The following KCNH5 variants were observed in gnomAD, a reference collection of about 807,000 sequenced individuals.
KCNH5 encodes voltage-gated delayed rectifier potassium channel KCNH5.
Under a neutral mutation model 96.1 loss-of-function variants are expected in KCNH5, and 46 were observed. The ratio of observed to expected loss-of-function variants is 0.48; its 90% CI spans 0.38 to 0.61. The LOEUF (loss-of-function observed/expected upper bound fraction) is 0.61, where lower values mean the gene tolerates loss of function less well. Among genes scored for constraint, KCNH5 ranks in the 20% least tolerant of loss-of-function variants. The pLI is 0.00. For synonymous variants in KCNH5, 439 were observed against 449.8 expected (o/e 0.98, Z 0.30); for missense variants, 907 against 1,225.8 (o/e 0.74, Z 3.88).
intron 8 of KCNH5, among the ~76,000 whole-genome samples, chr14:62,834,392 T>C (rs760567140): frequency 7.9e-5 from 12 of 152,002 alleles, no homozygotes; most frequent in Admixed American, 2.0e-4. Flanking sequence ...CAAACACTAA[T>C]CTAGGCAATA....
chr14:62,911,795 A>T (rs1889160738), intron 7 of KCNH5, among the ~76,000 whole-genome samples: 1 of 151,386 alleles, frequency 6.6e-6, no homozygotes, highest in Admixed American at 6.6e-5. Context: ...CCAGCACTTT[A>T]GGAGGGAGGC....
chr14:62,829,155 C>G (rs879557037), intron 8 of KCNH5, among the ~76,000 whole-genome samples: 1 of 152,130 alleles, frequency 6.6e-6, no homozygotes, highest in Non-Finnish European at 1.5e-5. Context: ...GTGCACCTGA[C>G]GTTTTGCAGG....
At chr14:62,806,732 G>A (rs1886774836) in intron 8 of KCNH5, among the ~76,000 whole-genome samples, 1 of 152,098 alleles carries the variant, frequency 6.6e-6, no homozygotes, top group Non-Finnish European at 1.5e-5. Flanking sequence ...CATTGGGTTC[G>A]AGGCCCAACT....
At chr14:62,962,607 AC>A (rs1467020337) in intron 6 of KCNH5, among the ~76,000 whole-genome samples, 1 of 152,182 alleles carries the variant, frequency 6.6e-6, no homozygotes, top group African/African-American at 2.4e-5. Flanking sequence ...CAAATGAGAA[AC>A]TAGAAGAACT....
chr14:62,756,259 T>C (rs984656981), intron 10 of KCNH5, among the ~76,000 whole-genome samples: 4 of 152,058 alleles, frequency 2.6e-5, no homozygotes, highest in Non-Finnish European at 4.4e-5. Context: ...ATAAGATCAC[T>C]ATGATGAAGA....
chr14:62,983,704 G>C (rs906319793), intron 5 of KCNH5, among the ~76,000 whole-genome samples: 1 of 152,006 alleles, frequency 6.6e-6, no homozygotes, highest in Non-Finnish European at 1.5e-5. Context: ...GAATCATCTG[G>C]GGAAGTTTTA....
chr14:62,919,699 G>A (rs901337460), intron 7 of KCNH5, among the ~76,000 whole-genome samples: 8 of 152,158 alleles, frequency 5.3e-5, no homozygotes, highest in South Asian at 4.1e-4. Context: ...GAAGTCTGCC[G>A]TTCATTGTAA....
chr14:62,754,411 G>A (rs1885573280), intron 10 of KCNH5, among the ~76,000 whole-genome samples: 1 of 151,772 alleles, frequency 6.6e-6, no homozygotes, highest in Non-Finnish European at 1.5e-5. Flanking sequence ...AACATTAAAT[G>A]TACATGGAAT....
At chr14:62,820,093 G>A (rs898603578) in intron 8 of KCNH5, among the ~76,000 whole-genome samples, 2 of 152,110 alleles carry the variant, frequency 1.3e-5, no homozygotes, top group Non-Finnish European at 2.9e-5. Flanking sequence ...TCACTAGGAA[G>A]ACAAGACAAA....
At chr14:62,940,344 C>G (rs572060607) in intron 7 of KCNH5, among the ~76,000 whole-genome samples, 1 of 152,158 alleles carries the variant, frequency 6.6e-6, no homozygotes, top group South Asian at 2.1e-4. Context: ...AAAAAGTTTG[C>G]CAACTCTAAA....
chr14:62,922,263 C>T (rs1889394200), intron 7 of KCNH5, among the ~76,000 whole-genome samples: 1 of 152,024 alleles, frequency 6.6e-6, no homozygotes, highest in Admixed American at 6.6e-5. Flanking sequence ...GCTACATCTA[C>T]ATCTTTATCT....
intron 10 of KCNH5, among the ~76,000 whole-genome samples, chr14:62,774,175 G>A (rs561807389): frequency 9.9e-5 from 15 of 152,200 alleles, no homozygotes; most frequent in South Asian, 2.1e-4. Context: ...GACAACACAC[G>A]AGAAATGCTG....
rs960083373 is a variant in KCNH5, at chr14:62,746,168, TTAAAC to T, written c.2019+33555_2019+33559del. On this transcript the variant is annotated intron_variant, in intron 10 of 10. Transcript: ENST00000322893. ...ATGGCATTCACTTCTCTTCAACAAA[TTAAAC>T]AATTCTAGCCTCTTTCACCTTTTCC... Among the ~76,000 whole-genome samples the T allele has an allele frequency of 2.0e-4, 31 of 152,210 alleles. 1 individual carries two copies. The highest frequency in any genetic ancestry group is 2.9e-5 in the Non-Finnish European group (2 of 68,026).
chr14:62,938,876 A>G (rs545006356), intron 7 of KCNH5, among the ~76,000 whole-genome samples: 2 of 152,356 alleles, frequency 1.3e-5, no homozygotes, highest in South Asian at 4.1e-4. Context: ...TTATAACACA[A>G]AAGAGAAATT....
intron 4 of KCNH5, among the ~76,000 whole-genome samples, chr14:62,997,922 TA>T (rs1205276187): frequency 0.021 from 2,914 of 141,506 alleles, 104 homozygotes; most frequent in African/African-American, 0.074. Flanking sequence ...AAAAAAAAAT[TA>T]AAAAAAAAAT....
intron 7 of KCNH5, among the ~76,000 whole-genome samples, chr14:62,862,780 C>T (rs1159629927): frequency 1.3e-5 from 2 of 152,116 alleles, no homozygotes; most frequent in Non-Finnish European, 2.9e-5. Flanking sequence ...GAACCTAGCT[C>T]CCAACTAATG....
Position 62,702,511 on chromosome 14 carries a change from G to A in KCNH5, c.*4997C>T, listed in dbSNP as rs1256493736. ...CTCAACTTTACCATGTAACAAGTAT[G>A]CCATCCTGGACAAGTTCCTTAACCT... On this transcript the variant is annotated 3_prime_UTR_variant, in exon 11 of 11. Transcript: ENST00000322893. 6.6e-6 allele frequency: 1 copy of A among 151,906 alleles called. No homozygotes were observed. The highest frequency in any genetic ancestry group is 1.5e-5 in the Non-Finnish European group (1 of 67,828). 9.4% of individuals were successfully genotyped at this position (151,906 alleles called of 1,614,324 possible). A position where few individuals can be genotyped will look rare whatever the true frequency, so the allele number is the denominator to read the frequency against.
intron 1 of KCNH5, among the ~76,000 whole-genome samples, chr14:63,037,865 A>G (rs1194407957): frequency 1.3e-5 from 2 of 152,222 alleles, no homozygotes; most frequent in Admixed American, 6.5e-5. Context: ...CTCACCATCA[A>G]TAACTGCTAA....
intron 10 of KCNH5, among the ~76,000 whole-genome samples, chr14:62,758,143 C>CA (rs57935686): frequency 0.032 from 3,280 of 103,980 alleles, 92 homozygotes; most frequent in African/African-American, 0.1. Context: ...GACTCCATCT[C>CA]AAAAAAAAAA....
Sources: gnomAD v4.1 joint callset for allele counts (sites outside exome capture counted in the v4.1 genomes callset) on GRCh38, gnomAD v4.1.1 for gene constraint, MANE v1.5 for transcripts, NCBI Gene and HGNC (gene_info 2026-07-23, HGNC 2026-07-21) for gene names.